TRPC4: variants seen among roughly 807,000 people sequenced by gnomAD.
The protein encoded by TRPC4 is transient receptor potential cation channel subfamily C member 4, also known as short transient receptor potential channel 4.
A neutral mutation model predicts 99.4 loss-of-function variants in TRPC4; 49 were observed. That is an observed-to-expected ratio of 0.49 (90% CI 0.39 to 0.63). TRPC4 has a LOEUF of 0.63. TRPC4 is among the 20% of genes least tolerant of loss of function. The probability of loss-of-function intolerance (pLI) is 0.00; values close to 1 mark genes in which losing one functional copy is unlikely to be tolerated. For missense variants in TRPC4, 898 were observed against 1,152.9 expected (o/e 0.78, Z 3.20); for synonymous variants, 454 against 425.9 (o/e 1.07, Z -0.81).
chr13:37,706,199 G>A (rs1043346691), intron 3 of TRPC4, among the ~76,000 whole-genome samples: 22 of 152,120 alleles, frequency 1.4e-4, no homozygotes, highest in Admixed American at 7.9e-4. Flanking sequence ...TGGATTAACC[G>A]CTGAACATAG....
At chr13:37,748,119 T>TTTTTCTGG (rs1955836271) in intron 2 of TRPC4, among the ~76,000 whole-genome samples, 2 of 152,136 alleles carry the variant, frequency 1.3e-5, no homozygotes, top group South Asian at 4.1e-4. Flanking sequence ...ACTTATGTAT[T>TTTTTCTGG]ATTTCTGGAA....
intron 4 of TRPC4, among the ~76,000 whole-genome samples, chr13:37,682,707 G>C (rs1006764000): frequency 6.6e-6 from 1 of 152,108 alleles, no homozygotes; most frequent in African/African-American, 2.4e-5. Flanking sequence ...GATAGCGAGA[G>C]AGCCATGAGG....
intron 3 of TRPC4, among the ~76,000 whole-genome samples, chr13:37,732,095 C>A (rs1446248831): frequency 6.6e-6 from 1 of 152,034 alleles, no homozygotes; most frequent in Non-Finnish European, 1.5e-5. Context: ...TGTACCAGTG[C>A]CATTGTAGTT....
rs150977010 is a variant in TRPC4 at position 37,669,578 on chromosome 13, T to C, written c.1374+4650A>G. Among the ~76,000 whole-genome samples the C allele has an allele frequency of 3.5e-3, 534 of 152,338 alleles. 4 individuals carry two copies. Among genetic ancestry groups the C allele is most frequent in the African/African-American group, 0.013 (521 of 41,574 alleles). On this transcript the variant is annotated intron_variant, in intron 5 of 10. Coordinates refer to ENST00000379705, the MANE Select transcript of TRPC4 (RefSeq NM_016179.4). ...ATTTTTATGCTCTGTCTTTGCACAT[T>C]ATAATACTGTTGCATTGTATATAAA...
At chr13:37,821,118 C>A (rs145595634) in intron 1 of TRPC4, among the ~76,000 whole-genome samples, 1 of 148,550 alleles carries the variant, frequency 6.7e-6, no homozygotes, top group African/African-American at 2.5e-5. Flanking sequence ...GTACAAAAAC[C>A]AATAGCATTC....
chr13:37,817,344 TACAAAGC>T (rs1235348659), intron 1 of TRPC4, among the ~76,000 whole-genome samples: 1 of 151,968 alleles, frequency 6.6e-6, no homozygotes, highest in Non-Finnish European at 1.5e-5. Flanking sequence ...CAAGGAGAGC[TACAAAGC>T]ACAAAGCTCA....
chr13:37,696,587 C>T (rs1053758351), intron 3 of TRPC4, among the ~76,000 whole-genome samples: 4 of 152,064 alleles, frequency 2.6e-5, no homozygotes, highest in Non-Finnish European at 4.4e-5. Context: ...ATCTTGACTG[C>T]GTCAGAGAGT....
intron 8 of TRPC4, among the ~76,000 whole-genome samples, chr13:37,640,945 T>C (rs1951696895): frequency 6.6e-6 from 1 of 152,188 alleles, no homozygotes; most frequent in Non-Finnish European, 1.5e-5. Flanking sequence ...AACATTTCAC[T>C]ACTGTGTTTT....
At chr13:37,650,873 T>C (rs1952023536) in intron 8 of TRPC4, among the ~76,000 whole-genome samples, 1 of 152,112 alleles carries the variant, frequency 6.6e-6, no homozygotes. Context: ...CCTTCCCTCA[T>C]GGAGCATACG....
chr13:37,854,256 TGA>T (rs1389359220), intron 1 of TRPC4, among the ~76,000 whole-genome samples: 2 of 152,114 alleles, frequency 1.3e-5, no homozygotes, highest in African/African-American at 4.8e-5. Context: ...CCTTACAGGC[TGA>T]GAGAGTGGCA....
At chr13:37,646,616 T>C (rs1174986612) in intron 8 of TRPC4, among the ~76,000 whole-genome samples, 1 of 152,220 alleles carries the variant, frequency 6.6e-6, no homozygotes, top group Non-Finnish European at 1.5e-5. Flanking sequence ...AAAAAAATTG[T>C]GGTAGATACC....
chr13:37,864,614 ACT>A (rs1959615988), intron 1 of TRPC4, among the ~76,000 whole-genome samples: 1 of 151,594 alleles, frequency 6.6e-6, no homozygotes, highest in South Asian at 2.1e-4. Flanking sequence ...TCAGTTACAA[ACT>A]CACACAGTTT....
chr13:37,795,076 T>C (rs1022371663), intron 1 of TRPC4, among the ~76,000 whole-genome samples: 33 of 152,308 alleles, frequency 2.2e-4, no homozygotes, highest in Admixed American at 2.0e-3. Context: ...AATATGATCT[T>C]TCTTTAGATA....
intron 1 of TRPC4, among the ~76,000 whole-genome samples, chr13:37,810,822 C>A (rs888690480): frequency 2.6e-5 from 4 of 151,906 alleles, no homozygotes; most frequent in African/African-American, 9.7e-5. Context: ...TGAATATATA[C>A]CTTGGTTGTT....
In TRPC4 at chr13:37,767,641, T is replaced by G. The variant is rs981777818; in HGVS notation, c.378+15315A>C. 4.0e-5 allele frequency among the ~76,000 whole-genome samples: 6 copies of G among 151,344 alleles called. No individual in the cohort carries two copies. The Admixed American group carries it at 4.0e-4, about 10-fold the overall frequency. ...AAGGTGTTAATAATCTTGGTTTCAT[T>G]CTGGAAGTGATCCAAATCAGAATTG... On this transcript the variant is annotated intron_variant, in intron 2 of 10. Coordinates refer to ENST00000379705, the MANE Select transcript of TRPC4 (RefSeq NM_016179.4).
intron 1 of TRPC4, among the ~76,000 whole-genome samples, chr13:37,841,208 A>G (rs749371190): frequency 1.6e-4 from 24 of 152,174 alleles, no homozygotes; most frequent in Non-Finnish European, 3.1e-4. Context: ...AAATCTGTAT[A>G]TCAACAGAAA....
intron 1 of TRPC4, among the ~76,000 whole-genome samples, chr13:37,784,787 G>T (rs1451000878): frequency 1.3e-5 from 2 of 151,836 alleles, no homozygotes; most frequent in Non-Finnish European, 2.9e-5. Flanking sequence ...TACATTGTTT[G>T]CATATTACCT....
rs1955714748 is a variant in TRPC4 at position 37,745,448 on chromosome 13, A to ATATATATATATATATGCG, written c.897+488_897+489insCGCATATATATATATATA. Among the ~76,000 whole-genome samples, 23 of 2,924 alleles carry ATATATATATATATATGCG rather than the reference A, an allele frequency of 7.9e-3. No homozygotes were observed. The Admixed American group carries it at 0.16, about 20-fold the overall frequency. The allele number at this position is 2,924 out of a possible 152,430, so 1.9% of individuals were successfully genotyped here. ...TATATATATATGCGTATATATATAT[A>ATATATATATATATATGCG]TATATATATATATATATATATATAT... On this transcript the variant is annotated intron_variant, in intron 3 of 10. Coordinates refer to ENST00000379705, the MANE Select transcript of TRPC4 (RefSeq NM_016179.4).
intron 2 of TRPC4, among the ~76,000 whole-genome samples, chr13:37,755,529 C>T (rs951386791): frequency 2.0e-4 from 30 of 152,096 alleles, no homozygotes; most frequent in African/African-American, 6.0e-4. Context: ...TCCCCTCAGC[C>T]TCCCAAGTAG....
Sources: gnomAD v4.1 joint callset for allele counts (sites outside exome capture counted in the v4.1 genomes callset) on GRCh38, gnomAD v4.1.1 for gene constraint, MANE v1.5 for transcripts, NCBI Gene and HGNC (gene_info 2026-07-23, HGNC 2026-07-21) for gene names.